The following CCDC7 variants were observed in gnomAD, a reference collection of about 807,000 sequenced individuals.
CCDC7 encodes the protein coiled-coil domain-containing protein 7.
A neutral mutation model predicts 196.9 loss-of-function variants in CCDC7; 183 were observed. The observed-to-expected ratio is 0.93, with a 90% CI of 0.82 to 1.05. CCDC7 has a LOEUF of 1.05. Among genes scored for constraint, CCDC7 ranks in the 50% least tolerant of loss-of-function variants. The probability of loss-of-function intolerance (pLI) is 0.00; values close to 1 mark genes in which losing one functional copy is unlikely to be tolerated. For synonymous variants in CCDC7, 525 were observed against 484.6 expected (o/e 1.08, Z -1.10); for missense variants, 1,540 against 1,482.2 (o/e 1.04, Z -0.64).
intron 31 of CCDC7, among the ~76,000 whole-genome samples, chr10:32,821,050 T>A (rs1368893078): frequency 6.6e-6 from 1 of 151,872 alleles, no homozygotes; most frequent in East Asian, 1.9e-4. Context: ...TGGGAGAAAA[T>A]TTTTACAATC....
intron 20 of CCDC7, among the ~76,000 whole-genome samples, chr10:32,653,668 G>A (rs1209152882): frequency 6.6e-6 from 1 of 152,096 alleles, no homozygotes; most frequent in African/African-American, 2.4e-5. Flanking sequence ...GAGAAAATGG[G>A]TGAGGTTTTT....
At chr10:32,610,120 T>G (rs1052457203) in intron 18 of CCDC7, among the ~76,000 whole-genome samples, 1 of 152,094 alleles carries the variant, frequency 6.6e-6, no homozygotes, top group Non-Finnish European at 1.5e-5. Context: ...GTTTGTTTAT[T>G]TTGAGACGGA....
At chr10:32,655,848 A>ATAT (rs1275462403) in intron 20 of CCDC7, among the ~76,000 whole-genome samples, 1 of 152,162 alleles carries the variant, frequency 6.6e-6, no homozygotes, top group East Asian at 1.9e-4. Context: ...TGTCTGGCCT[A>ATAT]TATGTCTTCT....
chr10:32,599,745 C>T (rs1047564078), intron 18 of CCDC7, among the ~76,000 whole-genome samples: 5 of 152,034 alleles, frequency 3.3e-5, no homozygotes, highest in African/African-American at 7.2e-5. Flanking sequence ...GATTTTAGTG[C>T]ACCTGTCACC....
chr10:32,721,899 T>A (rs1486739871), intron 25 of CCDC7, among the ~76,000 whole-genome samples: 1 of 152,104 alleles, frequency 6.6e-6, no homozygotes, highest in African/African-American at 2.4e-5. Flanking sequence ...TATATTAAGT[T>A]CCTTTGTCTT....
chr10:32,678,628 G>T (rs1465742056), intron 21 of CCDC7, among the ~76,000 whole-genome samples: 1 of 152,128 alleles, frequency 6.6e-6, no homozygotes, highest in Non-Finnish European at 1.5e-5. Context: ...TTCCCTGAGT[G>T]TTTTGATTGT....
chr10:32,729,965 A>T (rs2132727152), intron 28 of CCDC7, among the ~76,000 whole-genome samples: 1 of 152,102 alleles, frequency 6.6e-6, no homozygotes, highest in East Asian at 1.9e-4. Context: ...ATCGTAAGAA[A>T]CTTACAATTG....
At chr10:32,810,858 A>G (rs2086927101) in intron 30 of CCDC7, among the ~76,000 whole-genome samples, 1 of 152,104 alleles carries the variant, frequency 6.6e-6, no homozygotes, top group East Asian at 1.9e-4. Context: ...ATCAAAAACT[A>G]GAGGAACTTT....
chr10:32,750,691 G>A (rs940697266), intron 28 of CCDC7, among the ~76,000 whole-genome samples: 1 of 152,144 alleles, frequency 6.6e-6, no homozygotes, highest in African/African-American at 2.4e-5. Context: ...CTCTTTGGAG[G>A]TTCACTCTTT....
intron 35 of CCDC7, 78 bp downstream of exon 36, chr10:32,845,704 T>C: frequency 7.5e-7 from 1 of 1,333,390 alleles, no homozygotes; most frequent in South Asian, 1.2e-5. Context: ...GGACATTTAA[T>C]GGCAATAGTA....
At chr10:32,639,275 G>A (rs1435139169) in intron 20 of CCDC7, among the ~76,000 whole-genome samples, 6 of 151,992 alleles carry the variant, frequency 3.9e-5, no homozygotes, top group Admixed American at 1.3e-4. Flanking sequence ...CCTTCTGCTA[G>A]CTTTTGAATG....
chr10:32,725,963 G>A (rs2083062276), intron 25 of CCDC7, among the ~76,000 whole-genome samples: 2 of 152,072 alleles, frequency 1.3e-5, no homozygotes, highest in Non-Finnish European at 2.9e-5. Flanking sequence ...TTATGCAAAA[G>A]ATATCCTTAG....
At chr10:32,605,826 A>G (rs1051636971) in intron 18 of CCDC7, among the ~76,000 whole-genome samples, 1 of 149,914 alleles carries the variant, frequency 6.7e-6, no homozygotes, top group South Asian at 2.2e-4. Context: ...TGGAAAATTT[A>G]TAACCTGGCC....
intron 28 of CCDC7, among the ~76,000 whole-genome samples, chr10:32,754,120 A>G (rs922985457): frequency 1.3e-5 from 2 of 152,122 alleles, no homozygotes; most frequent in Non-Finnish European, 2.9e-5. Flanking sequence ...GTTATTATAA[A>G]TATTAGAAGA....
Position 32,684,859 on chromosome 10 carries a change from C to G in CCDC7, c.2123-1111C>G, listed in dbSNP as rs946734089. On this transcript the variant is annotated intron_variant, in intron 21 of 41. Transcript: ENST00000639629. The stretch of plus-strand genomic sequence containing the variant: ...AAGTATTAGGGCATATGTTAAATAT[C>G]GTATTGATGATTTACCTGTATGAGT... 3.9e-5 allele frequency among the ~76,000 whole-genome samples: 6 copies of G among 152,242 alleles called. No individual in the cohort carries two copies. The Middle Eastern group carries it at 0.01, about 261-fold the overall frequency.
intron 28 of CCDC7, among the ~76,000 whole-genome samples, chr10:32,737,376 T>C (rs1250895436): frequency 1.3e-5 from 2 of 152,218 alleles, no homozygotes; most frequent in Non-Finnish European, 2.9e-5. Flanking sequence ...AAATGTATTA[T>C]GGAATGACAC....
chr10:32,529,810 A>G (rs927087141), intron 11 of CCDC7, among the ~76,000 whole-genome samples: 3 of 151,902 alleles, frequency 2.0e-5, no homozygotes, highest in African/African-American at 7.3e-5. Flanking sequence ...TTTTTGTTGC[A>G]TTTGCTTTTG....
intron 18 of CCDC7, among the ~76,000 whole-genome samples, chr10:32,598,232 C>T (rs768312062): frequency 1.6e-4 from 24 of 152,146 alleles, no homozygotes; most frequent in Non-Finnish European, 2.1e-4. Context: ...GCCTCACTGT[C>T]GCCTTGCAGT....
At chr10:32,565,966 G>A (rs1349262629) in intron 14 of CCDC7, among the ~76,000 whole-genome samples, 2 of 152,018 alleles carry the variant, frequency 1.3e-5, no homozygotes, top group African/African-American at 2.4e-5. Context: ...AATACTGCAG[G>A]CATTCCAATT....
Sources: allele counts gnomAD v4.1 joint callset (sites outside exome capture counted in the v4.1 genomes callset), GRCh38; gene constraint gnomAD v4.1.1; transcripts MANE v1.5; gene names NCBI Gene and HGNC (gene_info 2026-07-23, HGNC 2026-07-21).